The following FAT3 variants were observed in gnomAD, a reference collection of about 807,000 sequenced individuals.
The protein encoded by FAT3 is protocadherin Fat 3.
In FAT3, 95 loss-of-function variants were observed where a neutral mutation model predicts 310.2. The ratio of observed to expected loss-of-function variants is 0.31; its 90% CI spans 0.26 to 0.36. The LOEUF (loss-of-function observed/expected upper bound fraction) is 0.36, where lower values mean the gene tolerates loss of function less well. FAT3 is among the 10% of genes least tolerant of loss of function. The probability of loss-of-function intolerance (pLI) is 1.00; values close to 1 mark genes in which losing one functional copy is unlikely to be tolerated. For missense variants in FAT3, 5,408 were observed against 5,715.6 expected, an observed-to-expected ratio of 0.95 and a Z score of 1.74; for synonymous variants, 2,314 against 2,192.9, an observed-to-expected ratio of 1.06 and a Z score of -1.54.
intron 2 of FAT3, among the ~76,000 whole-genome samples, chr11:92,408,382 G>T (rs1176057826): frequency 6.6e-6 from 1 of 152,084 alleles, no homozygotes; most frequent in East Asian, 1.9e-4. Flanking sequence ...CATAGCAGGG[G>T]GATAGCTTCG....
intron 4 of FAT3, among the ~76,000 whole-genome samples, chr11:92,705,506 G>A (rs1944267906): frequency 7.1e-5 from 8 of 112,780 alleles, no homozygotes; most frequent in African/African-American, 2.7e-4. Context: ...TGGTGATGGT[G>A]GTGGTGTGAT....
At chr11:92,643,599 T>C (rs1234026900) in intron 3 of FAT3, among the ~76,000 whole-genome samples, 1 of 152,172 alleles carries the variant, frequency 6.6e-6, no homozygotes, top group Non-Finnish European at 1.5e-5. Flanking sequence ...CTGTAAACTA[T>C]AAAAATGACT....
chr11:92,640,691 G>A (rs1389153549), intron 3 of FAT3, among the ~76,000 whole-genome samples: 1 of 152,156 alleles, frequency 6.6e-6, no homozygotes. Context: ...CAGTTAGTAT[G>A]AACTCTTTCA....
At chr11:92,808,882 T>C (rs1293864101) in intron 12 of FAT3, among the ~76,000 whole-genome samples, 11 of 152,008 alleles carry the variant, frequency 7.2e-5, no homozygotes, top group Admixed American at 7.2e-4. Context: ...GCCGAGATCA[T>C]GCCACTGCAC....
intron 1 of FAT3, among the ~76,000 whole-genome samples, chr11:92,237,527 G>A (rs16917202): frequency 0.027 from 4,065 of 152,212 alleles, 191 homozygotes; most frequent in African/African-American, 0.093. Flanking sequence ...GTATCCTAGT[G>A]AACACTGGTG....
intron 6 of FAT3, among the ~76,000 whole-genome samples, chr11:92,773,126 T>C (rs143046978): frequency 1.5e-3 from 225 of 152,284 alleles, no homozygotes; most frequent in African/African-American, 5.2e-3. Flanking sequence ...CCCACATACA[T>C]ACCATTATTT....
intron 13 of FAT3, among the ~76,000 whole-genome samples, chr11:92,812,300 A>C (rs949703023): frequency 6.6e-6 from 1 of 152,202 alleles, no homozygotes; most frequent in African/African-American, 2.4e-5. Context: ...GCCATTGCAC[A>C]CAAATCTGGC....
At chr11:92,349,768 C>T (rs1035862799) in intron 1 of FAT3, among the ~76,000 whole-genome samples, 10 of 152,138 alleles carry the variant, frequency 6.6e-5, no homozygotes, top group Non-Finnish European at 1.3e-4. Flanking sequence ...CCTTTATAGA[C>T]GCTTACTCCC....
intron 10 of FAT3, among the ~76,000 whole-genome samples, chr11:92,804,236 A>G (rs911636787): frequency 6.6e-6 from 1 of 151,930 alleles, no homozygotes; most frequent in Non-Finnish European, 1.5e-5. Context: ...AGGGTATATG[A>G]TAAATACTTG....
In FAT3 at chr11:92,878,666, AAG is replaced by A. The variant is rs1200320140; in HGVS notation, c.12128-2064_12128-2063del. On this transcript the variant is annotated intron_variant, in intron 22 of 27. Coordinates refer to ENST00000525166, the MANE Select transcript of FAT3 (RefSeq NM_001367949.2). ...AAAAAAAAAAAAAAAAAAAAAAAAA[AAG>A]CTCCGCACAAAAAAAGTTCTTGGAA... 3.5e-3 allele frequency among the ~76,000 whole-genome samples: 239 copies of A among 68,222 alleles called. 41 individuals carry two copies. The highest frequency in any genetic ancestry group is 0.022 in the East Asian group (38 of 1,702). The allele number at this position is 68,222 out of a possible 152,430, so 44.8% of individuals were successfully genotyped here. A position where few individuals can be genotyped will look rare whatever the true frequency, so the allele number is the denominator to read the frequency against.
chr11:92,700,787 TC>T (rs960922353), intron 4 of FAT3, among the ~76,000 whole-genome samples: 1 of 152,154 alleles, frequency 6.6e-6, no homozygotes, highest in African/African-American at 2.4e-5. Context: ...TCTCCCTTTG[TC>T]CTCTCTCTCT....
At chr11:92,427,229 T>C (rs2135007211) in intron 2 of FAT3, among the ~76,000 whole-genome samples, 1 of 152,330 alleles carries the variant, frequency 6.6e-6, no homozygotes, top group African/African-American at 2.4e-5. Flanking sequence ...TTTTGTATCC[T>C]GAGACTTTGC....
intron 3 of FAT3, among the ~76,000 whole-genome samples, chr11:92,649,680 A>C (rs1289860211): frequency 1.3e-5 from 2 of 152,000 alleles, no homozygotes; most frequent in Non-Finnish European, 2.9e-5. Flanking sequence ...GAATGCAGGG[A>C]TGTCAGAAAA....
In FAT3 at chr11:92,653,936, T is replaced by C. The variant is rs369409527; in HGVS notation, c.3608-43448T>C. On this transcript the variant is annotated intron_variant, in intron 3 of 27. Coordinates refer to ENST00000525166, the MANE Select transcript of FAT3 (RefSeq NM_001367949.2). ...TTCTCACAGCTCTCCATAAATCCCA[T>C]AGCAATACCAAAATATTTCTAAGCT... Among the ~76,000 whole-genome samples, 15 of 152,360 alleles carry C rather than the reference T, an allele frequency of 9.8e-5. No individual in the cohort carries two copies. The East Asian group carries it at 2.7e-3, about 27-fold the overall frequency.
chr11:92,564,666 C>T (rs1467541539), intron 3 of FAT3, among the ~76,000 whole-genome samples: 2 of 152,124 alleles, frequency 1.3e-5, no homozygotes, highest in Admixed American at 1.3e-4. Context: ...TGTAAAAGAA[C>T]AGAAGTTATA....
chr11:92,322,188 C>A (rs1404768382), intron 1 of FAT3, among the ~76,000 whole-genome samples: 1 of 152,074 alleles, frequency 6.6e-6, no homozygotes, highest in East Asian at 1.9e-4. Flanking sequence ...AGAAATAAAG[C>A]AAATCATGCA....
At chr11:92,749,768 A>G (rs1025766010) in intron 4 of FAT3, among the ~76,000 whole-genome samples, 1 of 152,196 alleles carries the variant, frequency 6.6e-6, no homozygotes, top group Non-Finnish European at 1.5e-5. Context: ...GAAAATAGAT[A>G]AGCATCTTTA....
At position 92,831,801 on chromosome 11, in the gene FAT3, A is replaced by G. The variant is rs1019896919; in HGVS notation, c.9661A>G (p.Thr3221Ala). The stretch of plus-strand genomic sequence containing the variant: ...TGGACAGTCCCTGTCCTCTCTCACT[A>G]CTGTCACCATCACCGTTCTGGACAT... The part of the protein sequence containing the change: ...SPGQSLSSLT[T>A]VTITVLDIND... The change falls in exon 14 of 28, where the codon ACT becomes GCT. Residue 3221 changes from threonine to alanine, a missense_variant. By Grantham distance (58) the Thr-to-Ala change is moderately conservative. This residue lies in a region of FAT3 where 4,588 missense variants were observed against 4,809.8 expected (regional missense o/e 0.95). Transcript: ENST00000525166. 5 of 1,613,404 alleles carry G rather than the reference A, an allele frequency of 3.1e-6. No homozygotes were observed. Among genetic ancestry groups the G allele is most frequent in the South Asian group, 2.2e-5 (2 of 90,940 alleles).
At chr11:92,786,934 C>G (rs1381099291) in intron 7 of FAT3, among the ~76,000 whole-genome samples, 1 of 152,160 alleles carries the variant, frequency 6.6e-6, no homozygotes, top group Non-Finnish European at 1.5e-5. Flanking sequence ...GCATTATCTT[C>G]AGGATATAAT....
Sources: gnomAD v4.1 joint callset for allele counts (sites outside exome capture counted in the v4.1 genomes callset) on GRCh38, gnomAD v4.1.1 for gene constraint, gnomAD v4.1.1 regional missense constraint, MANE v1.5 for transcripts, NCBI Gene and HGNC (gene_info 2026-07-23, HGNC 2026-07-21) for gene names.